RASAL3: variants seen among roughly 807,000 people sequenced by gnomAD.
The protein encoded by RASAL3 is RAS protein activator like 3.
A neutral mutation model predicts 105.5 loss-of-function variants in RASAL3; 74 were observed. That is an observed-to-expected ratio of 0.70 (90% CI 0.58 to 0.85). The LOEUF is 0.85. RASAL3 is among the 40% of genes least tolerant of loss of function. The pLI is 0.00. For synonymous variants in RASAL3, 579 were observed against 591.6 expected (o/e 0.98, Z 0.31); for missense variants, 1,352 against 1,392.0 (o/e 0.97, Z 0.46).
Position 15,456,237 on chromosome 19 carries a change from G to A in RASAL3, c.1588C>T (p.Arg530Trp), listed in dbSNP as rs757758768. The stretch of plus-strand genomic sequence containing the variant: ...TCCTCAGTAGAAGCACAGAGACGCC[G>A]CACAACCTGTCCTGCAGCCCAGCAC... ...YLQETLGQVV[R>W]RLCASTEDCE... Residue 530 changes from arginine to tryptophan, a missense_variant, in exon 11 of 18, where the codon CGG becomes TGG. By Grantham distance (101) the Arg-to-Trp change is moderately radical (BLOSUM62 -3). Coordinates refer to ENST00000343625, the MANE Select transcript of RASAL3 (RefSeq NM_022904.3). This position sits in a 1 kb window ranked among gnomAD's most constrained non-coding sequence, Gnocchi z 4.4. 1.6e-5 allele frequency: 26 copies of A among 1,613,400 alleles called. No individual in the cohort carries two copies. The highest frequency in any genetic ancestry group is 1.0e-4 in the Admixed American group (6 of 59,966).
rs760186456 is a variant in RASAL3, at chr19:15,457,721, G to A, written c.1002C>T (p.Gly334=). ...GAGGCGCCGTGCGTGCCAGCAGCGC[G>A]CCATCCAGCCACAGCTCGGCGCGCA... ...PGVRAELWLD[G]ALLARTAPRA... The change falls in exon 9 of 18, where the codon GGC becomes GGT. Residue 334 remains glycine, a synonymous_variant. Transcript: ENST00000343625. This position sits in a 1 kb window ranked among gnomAD's most constrained non-coding sequence, Gnocchi z 8.6. 4.6e-6 allele frequency: 7 copies of A among 1,519,100 alleles called. No homozygotes were observed. Among genetic ancestry groups the A allele is most frequent in the Non-Finnish European group, 6.2e-6 (7 of 1,134,326 alleles). The allele number at this position is 1,519,100 out of a possible 1,614,324, so 94.1% of individuals were successfully genotyped here.
At chr19:15,459,757 G>A (rs12972426) in intron 6 of RASAL3, among the ~76,000 whole-genome samples, 1,941 of 152,182 alleles carry the variant, frequency 0.013, 22 homozygotes, top group Middle Eastern at 0.031. Flanking sequence ...GGCTGGTCTC[G>A]AACTCCTAGA....
chr19:15,452,628 G>A, intron 16 of RASAL3, 30 bp downstream of exon 16: 1 of 1,498,712 alleles, frequency 6.7e-7, no homozygotes, highest in Non-Finnish European at 8.9e-7. Context: ...CCCACCTGGG[G>A]GCGGAGCTAA....
At chr19:15,452,624 TG>T (rs1450417870) in intron 16 of RASAL3, 33 bp downstream of exon 16, 36 of 1,400,690 alleles carry the variant, frequency 2.6e-5, no homozygotes, top group Non-Finnish European at 3.3e-5. Flanking sequence ...CGGGCCCACC[TG>T]GGGGCGGAGC....
At position 15,457,182 on chromosome 19, in the gene RASAL3, G is replaced by T; in HGVS notation, c.1431+110C>A. 1.1e-6 allele frequency: 1 copy of T among 944,726 alleles called. No homozygotes were observed. Among genetic ancestry groups the T allele is most frequent in the Non-Finnish European group, 1.4e-6 (1 of 723,442 alleles). The allele number at this position is 944,726 out of a possible 1,614,324, so 58.5% of individuals were successfully genotyped here. A position where few individuals can be genotyped will look rare whatever the true frequency, so the allele number is the denominator to read the frequency against. On this transcript the variant is annotated intron_variant, in intron 9 of 17. Transcript: ENST00000343625. The surrounding 1 kb of genome is among the most constrained non-coding windows in gnomAD (Gnocchi z 8.6). ...ACCACGCCCCTCACACCCCTTCAAG[G>T]TGTCTCCCCCATTACAGGTGCAACT...
chr19:15,460,300 C>T, intron 5 of RASAL3, 42 bp from the exon 6 acceptor site: 1 of 1,567,220 alleles, frequency 6.4e-7, no homozygotes, highest in Non-Finnish European at 8.7e-7. Flanking sequence ...ATCTGTGCTC[C>T]TTCCTCAGCT....
At chr19:15,461,011 G>T (rs367955527) in intron 5 of RASAL3, 49 bp downstream of exon 5, 15 of 1,575,526 alleles carry the variant, frequency 9.5e-6, no homozygotes, top group Middle Eastern at 1.7e-4. Flanking sequence ...TTGAGGGTCC[G>T]AGAGTCTTGG....
intron 11 of RASAL3, among the ~76,000 whole-genome samples, chr19:15,455,842 A>C (rs1970297218): frequency 6.6e-6 from 1 of 152,022 alleles, no homozygotes; most frequent in Admixed American, 6.6e-5. Context: ...GGAGAGATGG[A>C]GTCTTGCTAT....
In RASAL3 at chr19:15,464,200, C is replaced by T; in HGVS notation, c.159G>A (p.Gln53=). 1 of 1,611,848 alleles carries T rather than the reference C, an allele frequency of 6.2e-7. No homozygotes were observed. The highest frequency in any genetic ancestry group is 8.5e-7 in the Non-Finnish European group (1 of 1,179,376). ...CTGGCTGGGTGCTGACCATGGGCTC[C>T]TGGTGGCTCAGGGCCCTGCCCCAGC... ...FAGWGRALSH[Q]EPMVSTQPAP... The change falls in exon 2 of 18, where the codon CAG becomes CAA. Residue 53 remains glutamine (Q), a synonymous_variant. Transcript: ENST00000343625.
rs1183837216 is a variant in RASAL3, at chr19:15,453,765, T to C, written c.2280-268A>G. On this transcript the variant is annotated intron_variant, in intron 14 of 17. Transcript: ENST00000343625. The surrounding 1 kb of genome is among the most constrained non-coding windows in gnomAD (Gnocchi z 4.2). ...CACATGCCACTATACCCAGGTAATT[T>C]TTTTTTTTTTTGGTAGAGATGGGGT... Among the ~76,000 whole-genome samples, 1 of 151,604 alleles carries C rather than the reference T, an allele frequency of 6.6e-6. No individual in the cohort carries two copies. Among genetic ancestry groups the C allele is most frequent in the Non-Finnish European group, 1.5e-5 (1 of 67,862 alleles).
chr19:15,453,361 G>A lies in RASAL3; in HGVS notation c.2416C>T (p.Arg806Trp). 7.0e-7 allele frequency: 1 copy of A among 1,438,492 alleles called. No individual in the cohort carries two copies. The highest frequency in any genetic ancestry group is 1.4e-5 in the South Asian group (1 of 70,038). The allele number at this position is 1,438,492 out of a possible 1,614,324, so 89.1% of individuals were successfully genotyped here. Reference protein sequence around the residue: ...SWARPRPDEERPLRRPRPVQR... With the variant: ...SWARPRPDEEWPLRRPRPVQR... Reference sequence around the variant, plus strand: ...ACCGGCCGGGGCCGCCGCAGGGGCCGCTCTTCGTCCGGCCGTGGCCGGGCC... The same window carrying A: ...ACCGGCCGGGGCCGCCGCAGGGGCCACTCTTCGTCCGGCCGTGGCCGGGCC... Residue 806 changes from arginine (R) to tryptophan (W), a missense_variant, in exon 15 of 18, where the codon CGG (arginine) becomes TGG (tryptophan). By Grantham distance (101) the Arg-to-Trp change is moderately radical (BLOSUM62 -3). Transcript: ENST00000343625. This position sits in a 1 kb window ranked among gnomAD's most constrained non-coding sequence, Gnocchi z 4.2.
intron 2 of RASAL3, among the ~76,000 whole-genome samples, chr19:15,462,178 C>T (rs891180814): frequency 5.3e-5 from 8 of 151,916 alleles, no homozygotes; most frequent in Non-Finnish European, 4.4e-5. Context: ...CATAACAAGA[C>T]CCTGTCTTTA....
chr19:15,461,185 A>G, intron 4 of RASAL3, 33 bp downstream of exon 4: 1 of 1,613,480 alleles, frequency 6.2e-7, no homozygotes, highest in Non-Finnish European at 8.5e-7. Flanking sequence ...GAGCCTCCCA[A>G]ATGCCCCAGG....
chr19:15,454,126 C>A (rs1270201991), intron 14 of RASAL3, 23 bp downstream of exon 14: 6 of 1,522,594 alleles, frequency 3.9e-6, no homozygotes, highest in Non-Finnish European at 5.3e-6. Context: ...ACCCATCAGA[C>A]CCCAGACCAG....
chr19:15,460,972 G>T, intron 5 of RASAL3, 88 bp downstream of exon 5: 3 of 1,247,098 alleles, frequency 2.4e-6, no homozygotes, highest in African/African-American at 1.5e-5. Flanking sequence ...ACCTGCTCCA[G>T]ATCACCCAGC....
In RASAL3 at chr19:15,451,821, G is replaced by T. The variant is rs1970156345; in HGVS notation, c.3010C>A (p.Pro1004Thr). Residue 1004 changes from proline to threonine, a missense_variant, in exon 18 of 18, where the codon CCC becomes ACC. Transcript: ENST00000343625. ...CAGGTGGTGTCTCCATTGAGGCAGGGTGCTTTGAGGGGCTGGGGTTGACTC... is the reference window on the plus strand; with the variant it reads ...CAGGTGGTGTCTCCATTGAGGCAGGTTGCTTTGAGGGGCTGGGGTTGACTC... ...SWSQPQPLKA[P>T]CLNGDTT 1.9e-6 allele frequency: 3 copies of T among 1,601,740 alleles called. No individual in the cohort carries two copies. Among genetic ancestry groups the T allele is most frequent in the Non-Finnish European group, 1.7e-6 (2 of 1,171,040 alleles).
In RASAL3 at chr19:15,453,040, C is replaced by G; in HGVS notation, c.2670+67G>C. ...GGTACTTGAACCCAGACTTGCCTGG[C>G]CCTTCAGTCTTCCCCAGTCGCGTCC... On this transcript the variant is annotated intron_variant, in intron 15 of 17. Coordinates refer to ENST00000343625, the MANE Select transcript of RASAL3 (RefSeq NM_022904.3). This position sits in a 1 kb window ranked among gnomAD's most constrained non-coding sequence, Gnocchi z 4.2. 6.3e-7 allele frequency: 1 copy of G among 1,598,468 alleles called. No homozygotes were observed. The highest frequency in any genetic ancestry group is 8.5e-7 in the Non-Finnish European group (1 of 1,173,620).
intron 2 of RASAL3, 142 bp downstream of exon 2, chr19:15,463,889 G>C (rs944903199): frequency 1.4e-6 from 1 of 737,676 alleles, no homozygotes; most frequent in Admixed American, 3.0e-5. Context: ...GAACAGGGTA[G>C]CTGGGCCCCA....
At chr19:15,459,572 C>G (rs1272428258) in intron 6 of RASAL3, among the ~76,000 whole-genome samples, 1 of 152,076 alleles carries the variant, frequency 6.6e-6, no homozygotes, top group African/African-American at 2.4e-5. Context: ...CAATCTTGCT[C>G]TGTTGCCCAG....
Sources: allele counts gnomAD v4.1 joint callset (sites outside exome capture counted in the v4.1 genomes callset), GRCh38; gene constraint gnomAD v4.1.1; non-coding constraint Gnocchi (gnomAD v3.1); transcripts MANE v1.5; gene names NCBI Gene and HGNC (gene_info 2026-07-23, HGNC 2026-07-21).